The following ROBO1 variants were observed in gnomAD, a reference collection of about 807,000 sequenced individuals.
ROBO1 encodes roundabout guidance receptor 1, also known as roundabout homolog 1.
A neutral mutation model predicts 195.9 loss-of-function variants in ROBO1; 149 were observed. The observed-to-expected ratio is 0.76, with a 90% CI of 0.67 to 0.87. The LOEUF (loss-of-function observed/expected upper bound fraction) is 0.87, where lower values mean the gene tolerates loss of function less well. Among genes scored for constraint, ROBO1 ranks in the 40% least tolerant of loss-of-function variants. The pLI, the probability that ROBO1 is intolerant of heterozygous loss-of-function variation, is 0.00. For synonymous variants in ROBO1, 816 were observed against 733.2 expected (o/e 1.11, Z -1.82); for missense variants, 1,933 against 2,068.3 (o/e 0.93, Z 1.27).
rs191673985 is a variant in ROBO1, at chr3:79,183,087, A to C, written c.89-57548T>G. Among the ~76,000 whole-genome samples, 453 of 152,008 alleles carry C rather than the reference A, an allele frequency of 3.0e-3. 6 individuals carry two copies. Among genetic ancestry groups the C allele is most frequent in the Middle Eastern group, 6.8e-3 (2 of 294 alleles). On this transcript the variant is annotated intron_variant, in intron 2 of 30. Transcript: ENST00000464233. Reference sequence around the variant, plus strand: ...CAGAGAGAGACTCCAACTCAAAAAAAAAAAAAAAAAGATACATAGAGAGAA... The same window carrying C: ...CAGAGAGAGACTCCAACTCAAAAAACAAAAAAAAAAGATACATAGAGAGAA...
chr3:78,813,697 G>C (rs944874821), intron 4 of ROBO1, among the ~76,000 whole-genome samples: 1 of 152,044 alleles, frequency 6.6e-6, no homozygotes, highest in East Asian at 1.9e-4. Context: ...TCTGACTCTA[G>C]AGTCAATTCT....
At chr3:79,202,264 G>A (rs2081780111) in intron 2 of ROBO1, among the ~76,000 whole-genome samples, 1 of 151,950 alleles carries the variant, frequency 6.6e-6, no homozygotes, top group African/African-American at 2.4e-5. Context: ...AGTAAGTTCA[G>A]TAAATATTTA....
At chr3:78,646,758 A>C (rs1334996900) in intron 20 of ROBO1, among the ~76,000 whole-genome samples, 1 of 151,942 alleles carries the variant, frequency 6.6e-6, no homozygotes, top group East Asian at 1.9e-4. Context: ...GGCTTCTGCA[A>C]ATTATTTCTC....
chr3:79,092,407 G>C (rs2079494796), intron 3 of ROBO1, among the ~76,000 whole-genome samples: 1 of 152,024 alleles, frequency 6.6e-6, no homozygotes, highest in African/African-American at 2.4e-5. Context: ...GTATTTAAGT[G>C]ATGTTGGATA....
At chr3:78,795,427 A>G (rs2084155953) in intron 4 of ROBO1, among the ~76,000 whole-genome samples, 1 of 152,126 alleles carries the variant, frequency 6.6e-6, no homozygotes, top group South Asian at 2.1e-4. Flanking sequence ...AAAACTTCAT[A>G]CCCTTAAGGG....
At chr3:78,765,564 G>C (rs2108391630) in intron 4 of ROBO1, among the ~76,000 whole-genome samples, 2 of 152,114 alleles carry the variant, frequency 1.3e-5, no homozygotes, top group East Asian at 3.9e-4. Flanking sequence ...GAGATACACT[G>C]CCCACAAAGA....
At chr3:79,068,542 T>A (rs2079038482) in intron 3 of ROBO1, among the ~76,000 whole-genome samples, 1 of 151,866 alleles carries the variant, frequency 6.6e-6, no homozygotes, top group Non-Finnish European at 1.5e-5. Context: ...CTGAAAAAAA[T>A]CTATAATCTT....
intron 2 of ROBO1, among the ~76,000 whole-genome samples, chr3:79,165,260 C>T (rs1239025135): frequency 1.3e-5 from 2 of 152,204 alleles, no homozygotes; most frequent in Non-Finnish European, 2.9e-5. Flanking sequence ...AGACCTTACT[C>T]TACCATAGTG....
At chr3:78,957,269 G>T (rs2041095099) in intron 3 of ROBO1, among the ~76,000 whole-genome samples, 1 of 150,096 alleles carries the variant, frequency 6.7e-6, no homozygotes. Flanking sequence ...TGCTGCACCA[G>T]GTCTGCACTA....
intron 1 of ROBO1, among the ~76,000 whole-genome samples, chr3:79,727,738 G>A (rs1049355284): frequency 6.6e-6 from 1 of 152,040 alleles, no homozygotes; most frequent in African/African-American, 2.4e-5. Context: ...TATCCTGCCT[G>A]CACCCTTTTA....
chr3:79,056,832 G>T (rs1576622499), intron 3 of ROBO1, among the ~76,000 whole-genome samples: 1 of 152,060 alleles, frequency 6.6e-6, no homozygotes, highest in East Asian at 1.9e-4. Context: ...TGATTTAGTA[G>T]AGTGGTGTTT....
intron 2 of ROBO1, among the ~76,000 whole-genome samples, chr3:79,421,733 A>G (rs1319093284): frequency 4.6e-5 from 7 of 152,198 alleles, no homozygotes; most frequent in African/African-American, 1.7e-4. Context: ...AAATGCAGGA[A>G]TGCAAATAGA....
At chr3:79,692,747 A>G (rs1390295732) in intron 1 of ROBO1, among the ~76,000 whole-genome samples, 1 of 151,860 alleles carries the variant, frequency 6.6e-6, no homozygotes, top group African/African-American at 2.4e-5. Context: ...TATATTGTAT[A>G]TCATATGACT....
chr3:78,644,587 T>G (rs1706162356), intron 21 of ROBO1, among the ~76,000 whole-genome samples: 1 of 152,162 alleles, frequency 6.6e-6, no homozygotes, highest in Non-Finnish European at 1.5e-5. Context: ...GACAGGGATT[T>G]TATTTTTAAC....
chr3:79,620,958 C>G (rs1944988502), intron 1 of ROBO1, among the ~76,000 whole-genome samples: 1 of 152,158 alleles, frequency 6.6e-6, no homozygotes, highest in Non-Finnish European at 1.5e-5. Flanking sequence ...TTTGCCTTAT[C>G]AACCAAATTG....
chr3:79,133,653 T>C (rs2080335852), intron 2 of ROBO1, among the ~76,000 whole-genome samples: 1 of 80,428 alleles, frequency 1.2e-5, no homozygotes, highest in Non-Finnish European at 2.5e-5. Flanking sequence ...CTCAGAGTAA[T>C]TTGATCGTCT....
chr3:78,858,815 G>A (rs2034615946), intron 4 of ROBO1, among the ~76,000 whole-genome samples: 1 of 150,926 alleles, frequency 6.6e-6, no homozygotes, highest in Admixed American at 6.6e-5. Flanking sequence ...ATAGAAAGCG[G>A]GAGCCTGAAA....
At chr3:79,475,596 A>T (rs1450290837) in intron 2 of ROBO1, among the ~76,000 whole-genome samples, 1 of 152,094 alleles carries the variant, frequency 6.6e-6, no homozygotes, top group African/African-American at 2.4e-5. Flanking sequence ...GTATTTTGGA[A>T]TATTTTATTA....
At chr3:78,831,101 C>T (rs185951661) in intron 4 of ROBO1, among the ~76,000 whole-genome samples, 185 of 151,904 alleles carry the variant, frequency 1.2e-3, no homozygotes, top group African/African-American at 4.1e-3. Context: ...TTAGTAGAGA[C>T]GGGGTTTCAC....
Sources: allele counts gnomAD v4.1 joint callset (sites outside exome capture counted in the v4.1 genomes callset), GRCh38; gene constraint gnomAD v4.1.1; transcripts MANE v1.5; gene names NCBI Gene and HGNC (gene_info 2026-07-23, HGNC 2026-07-21).